The following HERC2 variants were observed in gnomAD, a reference collection of about 807,000 sequenced individuals.
HERC2 encodes HECT and RLD domain containing E3 ubiquitin protein ligase 2.
A neutral mutation model predicts 537.7 loss-of-function variants in HERC2; 102 were observed. The ratio of observed to expected loss-of-function variants is 0.19; its 90% CI spans 0.16 to 0.22. The LOEUF is 0.22. HERC2 is among the 10% of genes least tolerant of loss of function. HERC2 has a pLI of 1.00. For missense variants in HERC2, 4,236 were observed against 6,198.2 expected (o/e 0.68, Z 10.63); for synonymous variants, 2,224 against 2,466.2 (o/e 0.90, Z 2.91).
At chr15:28,306,771 G>C (rs1321931562) in intron 2 of HERC2, among the ~76,000 whole-genome samples, 1 of 152,288 alleles carries the variant, frequency 6.6e-6, no homozygotes, top group Admixed American at 6.5e-5. Flanking sequence ...GGTATGTTCA[G>C]GTTCTGGATT....
chr15:28,317,498 G>A (rs1170547572), intron 2 of HERC2, among the ~76,000 whole-genome samples: 1 of 152,206 alleles, frequency 6.6e-6, no homozygotes, highest in African/African-American at 2.4e-5. Context: ...TCCCAGTTTA[G>A]CTACTGATAT....
In HERC2 at chr15:28,111,710, G is replaced by A. The variant is rs1887663142; in HGVS notation, c.*53C>T. The A allele has an allele frequency of 6.3e-6, 10 of 1,577,932 alleles. No individual in the cohort carries two copies. Among genetic ancestry groups the A allele is most frequent in the Admixed American group, 1.7e-5 (1 of 59,146 alleles). ...GGCAGCCTACAGTCTACACAGCAGC[G>A]AGCGCTCTGCTGCCTGGCTCAGGCT... On this transcript the variant is annotated 3_prime_UTR_variant, in exon 93 of 93. Transcript: ENST00000261609.
intron 47 of HERC2, 75 bp from the exon 48 acceptor site, chr15:28,201,629 GA>G: frequency 1.1e-6 from 1 of 920,486 alleles, no homozygotes; most frequent in Non-Finnish European, 1.8e-6. Flanking sequence ...ATAAGTCTGT[GA>G]AATCTATAAT....
intron 81 of HERC2, 137 bp downstream of exon 81, chr15:28,131,960 AGAG>A (rs927553021): frequency 1.6e-6 from 1 of 619,472 alleles, no homozygotes. Flanking sequence ...ACGAAGGTAA[AGAG>A]GAGGTTAAAG....
At position 28,299,435 on chromosome 15, in the gene HERC2, A is replaced by G; in HGVS notation, c.154T>C (p.Ser52Pro). ...GGAGGGAGCTCTCCGTTCTGGGTTG[A>G]TTCTGTTCCAGTGTATACAATTTCT... is the stretch of plus-strand genomic sequence containing the variant. ...DGEIVYTGTE[S>P]TQNGELPPRK... is the part of the protein sequence containing the mutation. Residue 52 changes from serine to proline, a missense_variant, in exon 3 of 93, where the codon TCA (serine) becomes CCA (proline). Ser to Pro is a moderately conservative substitution (Grantham distance 74, BLOSUM62 -1). Around this residue, in one of 27 missense-constraint regions of HERC2, gnomAD observed 491 missense variants for 559.3 expected, o/e 0.88. Coordinates refer to ENST00000261609, the MANE Select transcript of HERC2 (RefSeq NM_004667.6). The G allele has an allele frequency of 6.3e-7, 1 of 1,595,338 alleles. No homozygotes were observed. The highest frequency in any genetic ancestry group is 8.6e-7 in the Non-Finnish European group (1 of 1,163,230).
At chr15:28,187,810 C>T (rs1158532056) in intron 55 of HERC2, among the ~76,000 whole-genome samples, 1 of 152,184 alleles carries the variant, frequency 6.6e-6, no homozygotes, top group Non-Finnish European at 1.5e-5. Context: ...TCTGTTCTGC[C>T]TTTGCCATGC....
chr15:28,118,870 G>A (rs773891183), intron 86 of HERC2, among the ~76,000 whole-genome samples: 3 of 152,212 alleles, frequency 2.0e-5, no homozygotes, highest in African/African-American at 4.8e-5. Context: ...TACCCTGAAC[G>A]GGAAGGAGCC....
At chr15:28,201,961 G>A in intron 47 of HERC2, 152 bp downstream of exon 47, 1 of 822,926 alleles carries the variant, frequency 1.2e-6, no homozygotes, top group Admixed American at 2.1e-5. Flanking sequence ...GCTTTGTTCT[G>A]TGCCCGGCAA....
chr15:28,307,070 A>T (rs2076809200), intron 2 of HERC2, among the ~76,000 whole-genome samples: 1 of 152,164 alleles, frequency 6.6e-6, no homozygotes, highest in South Asian at 2.1e-4. Context: ...CCTGACCTCA[A>T]GTGACCCACC....
intron 83 of HERC2, among the ~76,000 whole-genome samples, chr15:28,129,061 A>T (rs1351490989): frequency 1.3e-5 from 2 of 152,154 alleles, no homozygotes; most frequent in Non-Finnish European, 2.9e-5. Context: ...ATCCAGAATA[A>T]TCTCCATATC....
chr15:28,142,224 A>T lies in HERC2; in HGVS notation c.11700+14T>A. 1 of 1,609,672 alleles carries T rather than the reference A, an allele frequency of 6.2e-7. No individual in the cohort carries two copies. The highest frequency in any genetic ancestry group is 8.5e-7 in the Non-Finnish European group (1 of 1,177,564). ...TTTGCATCCCAAAAGTGATTCCAAA[A>T]TATCATGCAATACCTCATCAAGAAA... On this transcript the variant is annotated intron_variant, in intron 76 of 92. Coordinates refer to ENST00000261609, the MANE Select transcript of HERC2 (RefSeq NM_004667.6).
rs2075637668 is a variant in HERC2, at chr15:28,268,711, T to C, written c.1447-95A>G. ...TTATCATGTATCCCCAAGCAAAGCC[T>C]GCTGTAACTCCAAGTGGGGCATAAG... is the stretch of plus-strand genomic sequence containing the variant. On this transcript the variant is annotated intron_variant, in intron 11 of 92. Coordinates refer to ENST00000261609, the MANE Select transcript of HERC2 (RefSeq NM_004667.6). This position sits in a 1 kb window ranked among gnomAD's most constrained non-coding sequence, Gnocchi z 4.7. The C allele has an allele frequency of 2.2e-5, 23 of 1,037,452 alleles. 1 individual carries two copies. The South Asian group carries it at 3.5e-4, about 16-fold the overall frequency. 64.3% of individuals were successfully genotyped at this position (1,037,452 alleles called of 1,614,324 possible).
intron 64 of HERC2, 139 bp downstream of exon 64, chr15:28,175,373 G>C: frequency 2.4e-6 from 2 of 848,042 alleles, no homozygotes; most frequent in Non-Finnish European, 1.8e-6. Flanking sequence ...AACAGGACCC[G>C]CCCTCATGGT....
At chr15:28,193,870 T>C (rs920069646) in intron 52 of HERC2, among the ~76,000 whole-genome samples, 1 of 151,858 alleles carries the variant, frequency 6.6e-6, no homozygotes, top group African/African-American at 2.4e-5. Flanking sequence ...CATACAAAAA[T>C]AGACAATTTG....
chr15:28,168,599 A>G lies in HERC2; in HGVS notation c.10230-9T>C. The G allele has an allele frequency of 6.2e-7, 1 of 1,611,946 alleles. No homozygotes were observed. The highest frequency in any genetic ancestry group is 8.5e-7 in the Non-Finnish European group (1 of 1,178,836). The stretch of plus-strand genomic sequence containing the variant: ...CCCCGACAACAGCATCTCTGTCAGG[A>G]CACAAAGCCAGGCCTGTGGTGAGCT... On this transcript the variant is annotated splice_polypyrimidine_tract_variant and intron_variant, in intron 66 of 92. Transcript: ENST00000261609.
intron 17 of HERC2, 139 bp from the exon 18 acceptor site, chr15:28,256,456 G>A: frequency 1.4e-6 from 1 of 719,022 alleles, no homozygotes; most frequent in Non-Finnish European, 2.2e-6. Flanking sequence ...TTAAAAACTG[G>A]ACTAAAAAAA....
Position 28,215,638 on chromosome 15 carries a change from T to C in HERC2, c.6193A>G (p.Thr2065Ala), listed in dbSNP as rs1238760240. ...CACATTACCTGCCTCTGCAGCGAGG[T>C]GGCAGTGAAGGGTGCGTGCCCTTCC... ...VVEGHAPFTATSLQRQILAVH... is the reference protein window; with the variant it reads ...VVEGHAPFTAASLQRQILAVH... The change falls in exon 39 of 93, where the codon ACC (threonine) becomes GCC (alanine). Residue 2065 changes from threonine (T) to alanine (A), a missense_variant. Thr to Ala is a moderately conservative substitution (Grantham distance 58). Around this residue, in one of 27 missense-constraint regions of HERC2, gnomAD observed 365 missense variants for 468.8 expected, o/e 0.78. Coordinates refer to ENST00000261609, the MANE Select transcript of HERC2 (RefSeq NM_004667.6). 6.2e-7 allele frequency: 1 copy of C among 1,609,174 alleles called. No individual in the cohort carries two copies. The highest frequency in any genetic ancestry group is 1.3e-5 in the African/African-American group (1 of 74,754).
At chr15:28,154,901 G>A (rs1363622534) in intron 69 of HERC2, among the ~76,000 whole-genome samples, 2 of 145,584 alleles carry the variant, frequency 1.4e-5, no homozygotes, top group Non-Finnish European at 3.0e-5. Context: ...ATCTCCTAAT[G>A]CTATCCCTCC....
In HERC2 at chr15:28,274,919, C is replaced by T. The variant is rs1408459766; in HGVS notation, c.629G>A (p.Arg210Lys). The change falls in exon 6 of 93, where the codon AGG becomes AAG. Residue 210 changes from arginine to lysine, a missense_variant. Coordinates refer to ENST00000261609, the MANE Select transcript of HERC2 (RefSeq NM_004667.6). The part of the protein sequence containing the change: ...ALSFAFAFLR[R>K]AWRSGEDADL... Reference sequence around the variant, plus strand: ...AGGGACCGTACCTGATCGCCAGGCCCTGCGCAGGAAGGCAAAGGCAAAAGA... The same window carrying T: ...AGGGACCGTACCTGATCGCCAGGCCTTGCGCAGGAAGGCAAAGGCAAAAGA... 6.2e-7 allele frequency: 1 copy of T among 1,611,588 alleles called. No homozygotes were observed.
Sources: gnomAD v4.1 joint callset for allele counts (sites outside exome capture counted in the v4.1 genomes callset) on GRCh38, gnomAD v4.1.1 for gene constraint, gnomAD v4.1.1 regional missense constraint, Gnocchi (gnomAD v3.1) non-coding constraint, MANE v1.5 for transcripts, NCBI Gene and HGNC (gene_info 2026-07-23, HGNC 2026-07-21) for gene names.